Variants in ASIC2 observed in about 807,000 individuals in gnomAD.
ASIC2 encodes the protein acid-sensing ion channel 2.
In ASIC2, 25 loss-of-function variants were observed where a neutral mutation model predicts 57.3. The observed-to-expected ratio is 0.44, with a 90% confidence interval of 0.32 to 0.61. The LOEUF is 0.61. Among genes scored for constraint, ASIC2 ranks in the 20% least tolerant of loss-of-function variants. The probability of loss-of-function intolerance (pLI) is 0.06; values close to 1 mark genes in which losing one functional copy is unlikely to be tolerated. For synonymous variants in ASIC2, 319 were observed against 307.5 expected, an observed-to-expected ratio of 1.04 and a Z score of -0.39; for missense variants, 641 against 738.1, an observed-to-expected ratio of 0.87 and a Z score of 1.52.
chr17:34,000,813 T>C (rs904262210), intron 1 of ASIC2: 4 of 152,208 alleles, frequency 2.6e-5, no homozygotes, highest in Non-Finnish European at 5.9e-5. Context: ...TCAAATTACC[T>C]GTCTTTGAAC....
chr17:33,462,184 T>G lies in ASIC2; in HGVS notation c.556-350117A>C, dbSNP rs114981935. On this transcript the variant is annotated intron_variant, in intron 1 of 9. Coordinates refer to the ASIC2 transcript ENST00000359872. The stretch of plus-strand genomic sequence containing the variant: ...GACAATTGGGATTAACTGCTGTGAA[T>G]CACTGTGGCAGATACTAATTACTCC... 3.0e-3 allele frequency among the ~76,000 whole-genome samples: 458 copies of G among 152,292 alleles called. 2 individuals carry two copies. The highest frequency in any genetic ancestry group is 0.011 in the African/African-American group (446 of 41,552).
rs2091802959 is a variant in ASIC2 at position 33,015,897 on chromosome 17, C to T, written c.1590+74G>A. The T allele has an allele frequency of 1.8e-5, 27 of 1,531,520 alleles. No homozygotes were observed. In the South Asian group the frequency reaches 2.7e-4, roughly 15 times the overall value. 94.9% of individuals were successfully genotyped at this position (1,531,520 alleles called of 1,614,324 possible). A position where few individuals can be genotyped will look rare whatever the true frequency, so the allele number is the denominator to read the frequency against. On this transcript the variant is annotated intron_variant, in intron 9 of 9. Coordinates refer to ENST00000225823, the MANE Select transcript of ASIC2 (RefSeq NM_183377.2). ...GTGAGTCACATCTTTCCTGCCCGGC[C>T]CCAGCATCTGGTTTTGTACTGCCGG...
At chr17:33,408,491 G>A (rs1176288272) in intron 1 of ASIC2, among the ~76,000 whole-genome samples, 2 of 152,152 alleles carry the variant, frequency 1.3e-5, no homozygotes, top group East Asian at 3.9e-4. Flanking sequence ...TAAAACACAG[G>A]ATAAACATTA....
intron 1 of ASIC2, among the ~76,000 whole-genome samples, chr17:33,307,605 C>T (rs758562846): frequency 3.9e-5 from 6 of 152,160 alleles, no homozygotes; most frequent in East Asian, 1.9e-4. Flanking sequence ...CCAGCACACC[C>T]GACCTTCTAC....
At chr17:33,517,856 AT>A in intron 1 of ASIC2, among the ~76,000 whole-genome samples, 1 of 152,214 alleles carries the variant, frequency 6.6e-6, no homozygotes, top group Non-Finnish European at 1.5e-5. Flanking sequence ...TAATAAAAAA[AT>A]AAAATAAAAT....
intron 1 of ASIC2, among the ~76,000 whole-genome samples, chr17:33,646,388 C>T (rs541885636): frequency 6.6e-6 from 1 of 152,234 alleles, no homozygotes; most frequent in Non-Finnish European, 1.5e-5. Flanking sequence ...GGCCAGATCC[C>T]AAGATGCTAG....
intron 1 of ASIC2, among the ~76,000 whole-genome samples, chr17:33,551,634 C>T (rs945299035): frequency 6.6e-6 from 1 of 152,170 alleles, no homozygotes; most frequent in South Asian, 2.1e-4. Flanking sequence ...AGATTATAGA[C>T]ATCCTTCCCC....
intron 1 of ASIC2, among the ~76,000 whole-genome samples, chr17:33,379,832 A>C (rs537605390): frequency 1.5e-4 from 23 of 152,218 alleles, no homozygotes; most frequent in Non-Finnish European, 2.9e-4. Flanking sequence ...GAACAAACCA[A>C]GCTCACTCTA....
chr17:33,903,518 C>T (rs1286398957), intron 1 of ASIC2, among the ~76,000 whole-genome samples: 6 of 152,170 alleles, frequency 3.9e-5, no homozygotes, highest in Non-Finnish European at 7.3e-5. Flanking sequence ...ATATTAAAGG[C>T]TCTGACAAAT....
chr17:33,693,769 G>C (rs1452233704), intron 1 of ASIC2, among the ~76,000 whole-genome samples: 1 of 152,204 alleles, frequency 6.6e-6, no homozygotes, highest in African/African-American at 2.4e-5. Flanking sequence ...ACTTGGTATA[G>C]GTCAAGGTCA....
intron 1 of ASIC2, among the ~76,000 whole-genome samples, chr17:33,881,840 C>T (rs769474004): frequency 7.2e-5 from 11 of 152,168 alleles, no homozygotes; most frequent in Non-Finnish European, 1.5e-4. Flanking sequence ...GGAGGCATCA[C>T]GCTACCTGAC....
intron 6 of ASIC2, among the ~76,000 whole-genome samples, chr17:33,023,368 T>C (rs1200589230): frequency 1.3e-5 from 2 of 151,660 alleles, no homozygotes; most frequent in Non-Finnish European, 2.9e-5. Flanking sequence ...CGGGCGCCTG[T>C]AGTTCCAGCT....
intron 1 of ASIC2, among the ~76,000 whole-genome samples, chr17:33,788,902 G>A (rs1911684311): frequency 6.6e-6 from 1 of 152,176 alleles, no homozygotes; most frequent in Non-Finnish European, 1.5e-5. Flanking sequence ...GGCCTGTTGG[G>A]GGGGTTGGGA....
intron 1 of ASIC2, among the ~76,000 whole-genome samples, chr17:33,949,044 T>C (rs190189086): frequency 5.9e-5 from 9 of 152,294 alleles, no homozygotes; most frequent in Middle Eastern, 3.4e-3. Flanking sequence ...GACATCTACA[T>C]TTGAGTTTCA....
chr17:33,674,875 G>T (rs1404390569), intron 1 of ASIC2, among the ~76,000 whole-genome samples: 1 of 152,190 alleles, frequency 6.6e-6, no homozygotes, highest in Non-Finnish European at 1.5e-5. Context: ...CCCAGAAATT[G>T]AGGAATCACG....
At chr17:33,869,324 G>T (rs1052805227) in intron 1 of ASIC2, among the ~76,000 whole-genome samples, 2 of 152,130 alleles carry the variant, frequency 1.3e-5, no homozygotes, top group Non-Finnish European at 2.9e-5. Context: ...AACGTAAAAT[G>T]GCACAAGTGT....
At chr17:33,174,257 A>C (rs1281746570) in intron 1 of ASIC2, among the ~76,000 whole-genome samples, 3 of 152,064 alleles carry the variant, frequency 2.0e-5, no homozygotes, top group African/African-American at 7.2e-5. Context: ...CCCTGTCTCT[A>C]CTAAAAATAC....
intron 3 of ASIC2, among the ~76,000 whole-genome samples, chr17:33,081,668 T>G (rs1464086156): frequency 6.6e-6 from 1 of 152,216 alleles, no homozygotes; most frequent in African/African-American, 2.4e-5. Flanking sequence ...TCTTCCCTTT[T>G]GAAAGGCACT....
intron 1 of ASIC2, among the ~76,000 whole-genome samples, chr17:33,422,642 G>A (rs1911085430): frequency 6.6e-6 from 1 of 152,110 alleles, no homozygotes; most frequent in Non-Finnish European, 1.5e-5. Context: ...CTCTGCTAAG[G>A]GCTGATGCAG....
Sources: gnomAD v4.1 joint callset for allele counts (sites outside exome capture counted in the v4.1 genomes callset) on GRCh38, gnomAD v4.1.1 for gene constraint, MANE v1.5 for transcripts, NCBI Gene and HGNC (gene_info 2026-07-23, HGNC 2026-07-21) for gene names.